The following OR2L13 variants were observed in gnomAD, a reference collection of about 807,000 sequenced individuals.
The protein encoded by OR2L13 is olfactory receptor 2L13.
OR2L13 carries 14 observed loss-of-function variants against 15.3 expected under a neutral mutation model. The ratio of observed to expected loss-of-function variants is 0.91; its 90% confidence interval spans 0.60 to 1.43. OR2L13 has a LOEUF of 1.43. Among genes scored for constraint, OR2L13 ranks in the 40% most tolerant of loss-of-function variants. The pLI is 0.00. For synonymous variants in OR2L13, 152 were observed against 142.9 expected (o/e 1.06, Z -0.45); for missense variants, 367 against 387.9 (o/e 0.95, Z 0.45).
chr1:248,022,469 T>C, the OR2L13 span: 6 of 1,614,094 alleles, frequency 3.7e-6, no homozygotes, highest in East Asian at 1.3e-4. Flanking sequence ...GAGCCATCAA[T>C]CATTTTTTCT....
At chr1:247,973,292 A>G in the OR2L13 span, among the ~76,000 whole-genome samples, 1 of 152,168 alleles carries the variant, frequency 6.6e-6, no homozygotes, top group Admixed American at 6.6e-5. Context: ...ATTAGGCAAG[A>G]GAAAGAAATA....
At chr1:248,047,070 A>C in the OR2L13 span, among the ~76,000 whole-genome samples, 2 of 152,164 alleles carry the variant, frequency 1.3e-5, no homozygotes, top group Non-Finnish European at 2.9e-5. Context: ...ATGGTTTTGA[A>C]CCTAATTCAT....
the OR2L13 span, chr1:248,038,533 A>T: frequency 6.2e-7 from 1 of 1,614,174 alleles, no homozygotes; most frequent in East Asian, 2.2e-5. Context: ...TATGGAAACA[A>T]GTCTATCTCC....
At chr1:248,002,775 G>C in the OR2L13 span, among the ~76,000 whole-genome samples, 1 of 151,530 alleles carries the variant, frequency 6.6e-6, no homozygotes, top group Non-Finnish European at 1.5e-5. Context: ...GGAGAATGGC[G>C]GGAACCCGGG....
the OR2L13 span, among the ~76,000 whole-genome samples, chr1:248,031,978 A>C: frequency 6.6e-6 from 1 of 152,150 alleles, no homozygotes; most frequent in East Asian, 1.9e-4. Context: ...TGCCCTATAT[A>C]AAATACAAAT....
chr1:247,985,356 G>A, the OR2L13 span, among the ~76,000 whole-genome samples: 479 of 152,038 alleles, frequency 3.2e-3, 1 homozygote, highest in Non-Finnish European at 5.6e-3. Flanking sequence ...GAGAACATGC[G>A]GTGTTTGGTT....
the OR2L13 span, among the ~76,000 whole-genome samples, chr1:248,079,262 CT>C: frequency 0.78 from 118,743 of 151,906 alleles, 50,933 homozygotes; most frequent in South Asian, 0.95. Context: ...CAGAAATTTT[CT>C]GTACTTTTTT....
At chr1:247,975,411 A>G in the OR2L13 span, 4 of 681,396 alleles carry the variant, frequency 5.9e-6, no homozygotes, top group Non-Finnish European at 8.3e-6. Context: ...TTAAATCTGC[A>G]GAAGGGAGGA....
chr1:247,947,816 C>G, the OR2L13 span, among the ~76,000 whole-genome samples: 7 of 152,078 alleles, frequency 4.6e-5, no homozygotes, highest in Non-Finnish European at 1.0e-4. Flanking sequence ...ATAGGAGGAC[C>G]AAATTATAAC....
chr1:247,956,201 A>G, the OR2L13 span, among the ~76,000 whole-genome samples: 1 of 151,950 alleles, frequency 6.6e-6, no homozygotes, highest in African/African-American at 2.4e-5. Flanking sequence ...TAAATAGGGA[A>G]TCCTTTCCCC....
chr1:248,054,556 A>G, the OR2L13 span, among the ~76,000 whole-genome samples: 1 of 152,150 alleles, frequency 6.6e-6, no homozygotes, highest in African/African-American at 2.4e-5. Flanking sequence ...CACAATATTG[A>G]TTCTTCCTAT....
the OR2L13 span, chr1:247,948,835 C>T: frequency 2.2e-5 from 35 of 1,566,938 alleles, no homozygotes; most frequent in Admixed American, 3.3e-4. Context: ...GTCTCCCTTC[C>T]GAATGGATTG....
At chr1:248,041,751 A>G in the OR2L13 span, 10 of 152,232 alleles carry the variant, frequency 6.6e-5, no homozygotes, top group South Asian at 2.1e-4. Flanking sequence ...CAAAAAACAC[A>G]TGAAAAAATG....
the OR2L13 span, among the ~76,000 whole-genome samples, chr1:247,946,995 A>G: frequency 2.6e-3 from 401 of 152,264 alleles, no homozygotes; most frequent in African/African-American, 7.6e-3. Context: ...GTCCTCCTGT[A>G]TGAATCCCCT....
chr1:247,947,842 G>C, the OR2L13 span, among the ~76,000 whole-genome samples: 5 of 152,174 alleles, frequency 3.3e-5, no homozygotes, highest in Non-Finnish European at 5.9e-5. Flanking sequence ...AAAGAAGTTT[G>C]ACTTGGCATT....
At chr1:248,066,305 C>T in the OR2L13 span, among the ~76,000 whole-genome samples, 1 of 152,084 alleles carries the variant, frequency 6.6e-6, no homozygotes, top group African/African-American at 2.4e-5. Context: ...GTTTCCTAGA[C>T]CTTGGCAAAA....
the OR2L13 span, among the ~76,000 whole-genome samples, chr1:248,018,669 T>G: frequency 6.6e-6 from 1 of 152,192 alleles, no homozygotes; most frequent in Non-Finnish European, 1.5e-5. Flanking sequence ...AACTGCACCA[T>G]TTTAACTCTT....
chr1:248,022,550 C>G, the OR2L13 span: 3 of 1,614,182 alleles, frequency 1.9e-6, no homozygotes, highest in Non-Finnish European at 2.5e-6. Context: ...TGTTTTTGAG[C>G]AGCACCATCT....
At chr1:248,081,097 A>G in the OR2L13 span, among the ~76,000 whole-genome samples, 1 of 152,222 alleles carries the variant, frequency 6.6e-6, no homozygotes, top group Admixed American at 6.5e-5. Context: ...TATCTTCAAT[A>G]TAAGTGTCTG....
Sources: allele counts gnomAD v4.1 joint callset (sites outside exome capture counted in the v4.1 genomes callset), GRCh38; gene constraint gnomAD v4.1.1; transcripts MANE v1.5; gene names NCBI Gene and HGNC (gene_info 2026-07-23, HGNC 2026-07-21).